The following C10orf67 variants were observed in gnomAD, a reference collection of about 807,000 sequenced individuals.
C10orf67 encodes chromosome 10 open reading frame 67, also known as uncharacterized protein C10orf67, mitochondrial.
A neutral mutation model predicts 35.6 loss-of-function variants in C10orf67; 60 were observed. That is an observed-to-expected ratio of 1.68 (90% CI 1.37 to 2.09). The LOEUF is 2.09. Ranked by LOEUF, C10orf67 falls within the 30% of genes most tolerant of loss-of-function variation. The probability of loss-of-function intolerance (pLI) is 0.00; values close to 1 mark genes in which losing one functional copy is unlikely to be tolerated. For missense variants in C10orf67, 474 were observed against 330.2 expected (o/e 1.44, Z -3.38); for synonymous variants, 167 against 115.8 (o/e 1.44, Z -2.84).
rs1478033902 is a variant in C10orf67, at chr10:23,239,713, C to T, written c.1434+16G>A. 3 of 634,746 alleles carry T rather than the reference C, an allele frequency of 4.7e-6. No homozygotes were observed. Among genetic ancestry groups the T allele is most frequent in the Admixed American group, 2.0e-5 (1 of 49,164 alleles). The allele number at this position is 634,746 out of a possible 1,614,324, so 39.3% of individuals were successfully genotyped here. A position where few individuals can be genotyped will look rare whatever the true frequency, so the allele number is the denominator to read the frequency against. ...TTCAAAGAGACAAACAGCATCTAAA[C>T]ATTACATGCACTTACAATATAATTG... On this transcript the variant is annotated intron_variant, in intron 13 of 15. Coordinates refer to ENST00000636213, the MANE Select transcript of C10orf67 (RefSeq NM_001371909.1).
intron 8 of C10orf67, among the ~76,000 whole-genome samples, chr10:23,272,582 G>C (rs956297557): frequency 6.6e-6 from 1 of 152,112 alleles, no homozygotes; most frequent in Non-Finnish European, 1.5e-5. Flanking sequence ...ACTTTACCTT[G>C]ACTACTATAG....
chr10:23,344,033 G>A (rs1846032811), intron 1 of C10orf67: 3 of 378,716 alleles, frequency 7.9e-6, no homozygotes, highest in Non-Finnish European at 1.7e-5. Flanking sequence ...CCGCGGAGCC[G>A]CTCGCTCTCC....
chr10:23,227,973 T>C (rs764599735), intron 13 of C10orf67, among the ~76,000 whole-genome samples: 1 of 152,182 alleles, frequency 6.6e-6, no homozygotes, highest in Non-Finnish European at 1.5e-5. Flanking sequence ...TCCATGCTCA[T>C]GGATAGGAAG....
At chr10:23,255,718 T>C (rs1403474797) in intron 10 of C10orf67, among the ~76,000 whole-genome samples, 3 of 151,930 alleles carry the variant, frequency 2.0e-5, no homozygotes, top group South Asian at 2.1e-4. Flanking sequence ...AAAGAAATAA[T>C]ATCTCAGGAA....
intron 15 of C10orf67, among the ~76,000 whole-genome samples, chr10:23,212,340 G>T (rs1445702566): frequency 6.6e-6 from 1 of 152,152 alleles, no homozygotes; most frequent in Non-Finnish European, 1.5e-5. Context: ...GTGGTAGCTT[G>T]TTATGGTGGC....
chr10:23,308,463 G>T (rs1376712187), intron 4 of C10orf67, among the ~76,000 whole-genome samples: 1 of 152,084 alleles, frequency 6.6e-6, no homozygotes, highest in African/African-American at 2.4e-5. Flanking sequence ...AACTTACCTG[G>T]CCAGCATCTC....
intron 8 of C10orf67, among the ~76,000 whole-genome samples, chr10:23,277,139 G>A (rs1843214199): frequency 6.6e-6 from 1 of 152,080 alleles, no homozygotes; most frequent in Non-Finnish European, 1.5e-5. Flanking sequence ...TCATTCTCAT[G>A]GTCTCACAAG....
chr10:23,233,366 G>A (rs1425436372), intron 13 of C10orf67, among the ~76,000 whole-genome samples: 3 of 152,120 alleles, frequency 2.0e-5, no homozygotes, highest in Non-Finnish European at 4.4e-5. Context: ...AAATTAAACT[G>A]GCCTTAGTCA....
chr10:23,235,012 C>CAAAA (rs57049730), intron 13 of C10orf67, among the ~76,000 whole-genome samples: 3 of 76,014 alleles, frequency 3.9e-5, no homozygotes, highest in South Asian at 5.0e-4. Flanking sequence ...AATTCCATCT[C>CAAAA]AAAAAAAAAA....
At chr10:23,204,285 A>G (rs1346000418) in intron 15 of C10orf67, 30 bp from the exon 16 acceptor site, 1 of 599,088 alleles carries the variant, frequency 1.7e-6, no homozygotes, top group Non-Finnish European at 3.1e-6. Flanking sequence ...GACAGACATA[A>G]ACTTTGTTTT....
At chr10:23,294,710 A>G (rs540862646) in intron 5 of C10orf67, among the ~76,000 whole-genome samples, 1 of 152,310 alleles carries the variant, frequency 6.6e-6, no homozygotes, top group South Asian at 2.1e-4. Flanking sequence ...AACTAAATAA[A>G]ACTTGTTTAT....
At chr10:23,302,926 G>A (rs1229207073) in intron 5 of C10orf67, among the ~76,000 whole-genome samples, 1 of 152,102 alleles carries the variant, frequency 6.6e-6, no homozygotes, top group Non-Finnish European at 1.5e-5. Context: ...CTCTGGCTTG[G>A]AAAGATTAGC....
At chr10:23,339,432 C>CT (rs1264911579) in intron 1 of C10orf67, among the ~76,000 whole-genome samples, 1 of 129,466 alleles carries the variant, frequency 7.7e-6, no homozygotes, top group Non-Finnish European at 1.6e-5. Flanking sequence ...AAAGGCAGAA[C>CT]TTTTAAAAGT....
In C10orf67 at chr10:23,322,461, T is replaced by C; in HGVS notation, c.404A>G (p.Glu135Gly). The change falls in exon 3 of 16, where the codon GAG becomes GGG. Residue 135 changes from glutamate to glycine, a missense_variant. Coordinates refer to ENST00000636213, the MANE Select transcript of C10orf67 (RefSeq NM_001371909.1). ...LQLKFEDRLKEESLSLFTILH... is the reference protein window; with the variant it reads ...LQLKFEDRLKGESLSLFTILH... ...AATGGTGAAGAGACTCAAAGATTCC[T>C]CTTTCAGTCGGTCCTCAAACTTCAA... The C allele has an allele frequency of 6.2e-7, 1 of 1,611,878 alleles. No individual in the cohort carries two copies. The highest frequency in any genetic ancestry group is 8.5e-7 in the Non-Finnish European group (1 of 1,177,984).
chr10:23,274,166 A>T (rs1456792141), intron 8 of C10orf67, among the ~76,000 whole-genome samples: 1 of 152,164 alleles, frequency 6.6e-6, no homozygotes, highest in Non-Finnish European at 1.5e-5. Context: ...ATGAAAGATC[A>T]CAAGTCAAAG....
intron 7 of C10orf67, 114 bp from the exon 8 acceptor site, chr10:23,282,192 C>A (rs1477884874): frequency 5.4e-6 from 2 of 373,320 alleles, no homozygotes; most frequent in African/African-American, 2.1e-5. Context: ...GGATCTCAAT[C>A]TGATCAAAAG....
At chr10:23,253,391 C>T (rs977113139) in intron 10 of C10orf67, among the ~76,000 whole-genome samples, 1 of 152,162 alleles carries the variant, frequency 6.6e-6, no homozygotes, top group Non-Finnish European at 1.5e-5. Context: ...CCACGTGAAC[C>T]ACCTCTTTGT....
In C10orf67 at chr10:23,341,251, A is replaced by G. The variant is rs183747852; in HGVS notation, c.206+3318T>C. 3.3e-5 allele frequency among the ~76,000 whole-genome samples: 5 copies of G among 152,314 alleles called. No individual in the cohort carries two copies. In the East Asian group the frequency reaches 9.6e-4, roughly 29 times the overall value. On this transcript the variant is annotated intron_variant, in intron 1 of 15. Transcript: ENST00000636213. ...TCTTAACTTCAGACTCATCTAATCA[A>G]CTACCTACTTAACAGCCTAAATGGA...
At chr10:23,339,402 C>CAAAAAAAAAAA in intron 1 of C10orf67, among the ~76,000 whole-genome samples, 2 of 72,332 alleles carry the variant, frequency 2.8e-5, no homozygotes, top group Non-Finnish European at 5.2e-5. Flanking sequence ...AAAAAGGCAG[C>CAAAAAAAAAAA]AAAAAAAAAA....
Sources: allele counts gnomAD v4.1 joint callset (sites outside exome capture counted in the v4.1 genomes callset), GRCh38; gene constraint gnomAD v4.1.1; transcripts MANE v1.5; gene names NCBI Gene and HGNC (gene_info 2026-07-23, HGNC 2026-07-21).